Variants in KAT6A observed in about 807,000 individuals in gnomAD.
KAT6A encodes the protein histone acetyltransferase KAT6A.
A neutral mutation model predicts 198.4 loss-of-function variants in KAT6A; 9 were observed. That is an observed-to-expected ratio of 0.05 (90% CI 0.03 to 0.08). KAT6A has a LOEUF of 0.08. Ranked by LOEUF, KAT6A falls within the 10% of genes least tolerant of loss-of-function variation. KAT6A has a pLI of 1.00. For missense variants in KAT6A, 2,077 were observed against 2,509.9 expected, an observed-to-expected ratio of 0.83 and a Z score of 3.69; for synonymous variants, 890 against 883.0, an observed-to-expected ratio of 1.01 and a Z score of -0.14.
rs748288578 is a variant in KAT6A at position 41,946,692 on chromosome 8, A to T, written c.1903-8T>A. The T allele has an allele frequency of 2.7e-6, 4 of 1,508,112 alleles. No homozygotes were observed. The highest frequency in any genetic ancestry group is 1.4e-5 in the African/African-American group (1 of 72,286). The allele number at this position is 1,508,112 out of a possible 1,614,324, so 93.4% of individuals were successfully genotyped here. ...CTGTTGGCAGTGCTTTTCCTGGTGG[A>T]GAAAACACAAGTCAAGTTTGAAAAC... On this transcript the variant is annotated splice_region_variant and splice_polypyrimidine_tract_variant and intron_variant, in intron 11 of 16. Coordinates refer to ENST00000265713, the MANE Select transcript of KAT6A (RefSeq NM_006766.5).
Position 41,932,635 on chromosome 8 carries a change from G to C in KAT6A, c.5585C>G (p.Ala1862Gly). The change falls in exon 17 of 17, where the codon GCG (alanine) becomes GGG (glycine). Residue 1862 changes from alanine to glycine, a missense_variant. By Grantham distance (60) the Ala-to-Gly change is moderately conservative (BLOSUM62 0). Coordinates refer to ENST00000265713, the MANE Select transcript of KAT6A (RefSeq NM_006766.5). ...GTGAGCAGCCGCAGAGGGCAGTGGCGCAGACTTGGAGCGGATGGAAATGTG... is the reference window on the plus strand; with the variant it reads ...GTGAGCAGCCGCAGAGGGCAGTGGCCCAGACTTGGAGCGGATGGAAATGTG... ...KGHISIRSKS[A>G]PLPSAAAHQQ... 6.2e-7 allele frequency: 1 copy of C among 1,614,072 alleles called. No homozygotes were observed.
At chr8:41,982,696 G>T (rs1011929586) in intron 3 of KAT6A, among the ~76,000 whole-genome samples, 23 of 152,178 alleles carry the variant, frequency 1.5e-4, no homozygotes, top group African/African-American at 5.3e-4. Flanking sequence ...GTATCACCAT[G>T]CTAGTGTTAT....
intron 3 of KAT6A, among the ~76,000 whole-genome samples, chr8:41,983,116 A>G (rs1279765560): frequency 6.6e-6 from 1 of 152,246 alleles, no homozygotes; most frequent in East Asian, 1.9e-4. Flanking sequence ...TCCTCTTCCA[A>G]GAGTCAGTTA....
chr8:41,944,108 A>G (rs1587723627), intron 12 of KAT6A, 129 bp from the exon 13 acceptor site: 1 of 632,342 alleles, frequency 1.6e-6, no homozygotes, highest in Non-Finnish European at 2.7e-6. Flanking sequence ...CAAAAAAAAA[A>G]AGAGAGAAAC....
chr8:41,941,986 T>G (rs936581925), intron 14 of KAT6A: 9 of 178,756 alleles, frequency 5.0e-5, no homozygotes, highest in South Asian at 2.0e-4. Context: ...TATGTAGTTT[T>G]TAAATTTACT....
intron 3 of KAT6A, among the ~76,000 whole-genome samples, chr8:41,984,514 G>GAA (rs1824510397): frequency 2.0e-5 from 3 of 152,140 alleles, no homozygotes; most frequent in Admixed American, 2.0e-4. Context: ...GCAACCTCAT[G>GAA]AAAGATACCA....
rs1440381728 is a variant in KAT6A at position 41,930,094 on chromosome 8, T to G, written c.*2111A>C. On this transcript the variant is annotated 3_prime_UTR_variant, in exon 17 of 17. Transcript: ENST00000265713. ...AATAGTTCTACAGTCACAAAGAGGC[T>G]TGTGGAAAAGGGAGCTGCCCGATTG... is the stretch of plus-strand genomic sequence containing the variant. 3 of 231,630 alleles carry G rather than the reference T, an allele frequency of 1.3e-5. No individual in the cohort carries two copies. Among genetic ancestry groups the G allele is most frequent in the African/African-American group, 6.6e-5 (3 of 45,196 alleles). The allele number at this position is 231,630 out of a possible 1,614,324, so 14.3% of individuals were successfully genotyped here.
chr8:41,945,500 G>A (rs1420142960), intron 12 of KAT6A, among the ~76,000 whole-genome samples: 3 of 151,852 alleles, frequency 2.0e-5, no homozygotes, highest in Non-Finnish European at 4.4e-5. Context: ...TCAAACTCCC[G>A]ACCTCATGAT....
At chr8:41,989,171 T>C (rs1409950122) in intron 2 of KAT6A, among the ~76,000 whole-genome samples, 1 of 152,126 alleles carries the variant, frequency 6.6e-6, no homozygotes, top group African/African-American at 2.4e-5. Flanking sequence ...ACAATCAGGT[T>C]TGGGAAGGGA....
At chr8:42,000,488 T>G (rs746172461) in intron 2 of KAT6A, among the ~76,000 whole-genome samples, 30 of 150,286 alleles carry the variant, frequency 2.0e-4, no homozygotes, top group Non-Finnish European at 4.0e-4. Context: ...GAAGCAGAGG[T>G]TGCAGTGAGC....
chr8:41,937,661 A>G, intron 15 of KAT6A, 93 bp from the exon 16 acceptor site: 2 of 992,738 alleles, frequency 2.0e-6, no homozygotes, highest in Non-Finnish European at 2.9e-6. Context: ...TAGAATTAGC[A>G]CATATAAAAT....
At chr8:42,002,767 A>C (rs778371920) in intron 2 of KAT6A, among the ~76,000 whole-genome samples, 3 of 152,264 alleles carry the variant, frequency 2.0e-5, no homozygotes, top group Non-Finnish European at 4.4e-5. Context: ...TCCCATATTG[A>C]TGAACATTTA....
rs1802464458 is a variant in KAT6A at position 42,049,066 on chromosome 8, G to A, written c.-89C>T. On this transcript the variant is annotated 5_prime_UTR_variant, in exon 2 of 17. Coordinates refer to ENST00000265713, the MANE Select transcript of KAT6A (RefSeq NM_006766.5). ...ACCATGGAAAACAAGATTCTCGGAG[G>A]CTGGGAACCAGTTAACCATAGCATA... 16 of 1,391,270 alleles carry A rather than the reference G, an allele frequency of 1.2e-5. No individual in the cohort carries two copies. The South Asian group carries it at 2.1e-4, about 18-fold the overall frequency. 86.2% of individuals were successfully genotyped at this position (1,391,270 alleles called of 1,614,324 possible).
Position 42,049,194 on chromosome 8 carries a change from T to G in KAT6A, c.-217A>C. 1 of 517,076 alleles carries G rather than the reference T, an allele frequency of 1.9e-6. No homozygotes were observed. The highest frequency in any genetic ancestry group is 3.4e-6 in the Non-Finnish European group (1 of 295,284). 32.0% of individuals were successfully genotyped at this position (517,076 alleles called of 1,614,324 possible). A position where few individuals can be genotyped will look rare whatever the true frequency, so the allele number is the denominator to read the frequency against. On this transcript the variant is annotated 5_prime_UTR_variant, in exon 2 of 17. Transcript: ENST00000265713. ...CCTGTTGATTGAAATGTCTTCCAACTTCCCAATGAATTTCTCAATAGCACC... is the reference window on the plus strand; with the variant it reads ...CCTGTTGATTGAAATGTCTTCCAACGTCCCAATGAATTTCTCAATAGCACC...
At chr8:42,005,431 T>C (rs954560956) in intron 2 of KAT6A, among the ~76,000 whole-genome samples, 3 of 152,064 alleles carry the variant, frequency 2.0e-5, no homozygotes, top group African/African-American at 7.2e-5. Context: ...GTGATAAGGG[T>C]GGAGAACATA....
At chr8:41,935,569 A>C (rs1821807536) in intron 16 of KAT6A, among the ~76,000 whole-genome samples, 1 of 152,256 alleles carries the variant, frequency 6.6e-6, no homozygotes, top group South Asian at 2.1e-4. Context: ...TAAAAAAACT[A>C]TGGTAAACTA....
chr8:42,017,614 G>A (rs1372322842), intron 2 of KAT6A, among the ~76,000 whole-genome samples: 1 of 152,160 alleles, frequency 6.6e-6, no homozygotes, highest in Non-Finnish European at 1.5e-5. Flanking sequence ...TTAAGACAGT[G>A]TGGTGCCAAC....
At chr8:42,026,606 T>C (rs1391566252) in intron 2 of KAT6A, among the ~76,000 whole-genome samples, 3 of 152,220 alleles carry the variant, frequency 2.0e-5, no homozygotes, top group Non-Finnish European at 2.9e-5. Context: ...TTTTTGTATG[T>C]TGATTTTGTA....
chr8:42,048,619 C>G lies in KAT6A; in HGVS notation c.359G>C (p.Ser120Thr). ...CTGACCTTTCAAAAAACGTTCAATG[C>G]TTTTCAAAGTTGAGCCACCAGACTC... ...LAESGGSTLK[S>T]IERFLKGQKD... The change falls in exon 2 of 17, where the codon AGC becomes ACC. Residue 120 changes from serine (S) to threonine (T), a missense_variant. Ser to Thr is a moderately conservative substitution (Grantham distance 58). Transcript: ENST00000265713. The G allele has an allele frequency of 6.2e-7, 1 of 1,614,224 alleles. No homozygotes were observed. Among genetic ancestry groups the G allele is most frequent in the African/African-American group, 1.3e-5 (1 of 75,056 alleles).
Sources: gnomAD v4.1 joint callset for allele counts (sites outside exome capture counted in the v4.1 genomes callset) on GRCh38, gnomAD v4.1.1 for gene constraint, MANE v1.5 for transcripts, NCBI Gene and HGNC (gene_info 2026-07-23, HGNC 2026-07-21) for gene names.